Variants in MLLT1 observed in about 807,000 individuals in gnomAD.
MLLT1 encodes MLLT1 super elongation complex subunit.
In MLLT1, 11 loss-of-function variants were observed where a neutral mutation model predicts 55.1. The observed-to-expected ratio is 0.20, with a 90% CI of 0.13 to 0.33. MLLT1 has a LOEUF of 0.33. Among genes scored for constraint, MLLT1 ranks in the 10% least tolerant of loss-of-function variants. MLLT1 has a pLI of 1.00. For missense variants in MLLT1, 536 were observed against 760.6 expected, an observed-to-expected ratio of 0.70 and a Z score of 3.47; for synonymous variants, 323 against 320.1, an observed-to-expected ratio of 1.01 and a Z score of -0.10.
At chr19:6,257,465 A>G (rs75780630) in intron 3 of MLLT1, among the ~76,000 whole-genome samples, 3,882 of 152,164 alleles carry the variant, frequency 0.026, 151 homozygotes, top group East Asian at 0.14. Context: ...ATATTTAAAA[A>G]ACTTCTATAA....
chr19:6,244,364 T>A lies in MLLT1; in HGVS notation c.277-13651A>T, dbSNP rs866344081. 7.9e-3 allele frequency among the ~76,000 whole-genome samples: 1,109 copies of A among 139,850 alleles called. 9 individuals carry two copies. The highest frequency in any genetic ancestry group is 0.027 in the African/African-American group (1,034 of 38,402). 91.7% of individuals were successfully genotyped at this position (139,850 alleles called of 152,430 possible). A position where few individuals can be genotyped will look rare whatever the true frequency, so the allele number is the denominator to read the frequency against. On this transcript the variant is annotated intron_variant, in intron 3 of 11. Coordinates refer to ENST00000252674, the MANE Select transcript of MLLT1 (RefSeq NM_005934.4). The stretch of plus-strand genomic sequence containing the variant: ...CCTCCTCCTCACTGTAAACGAACAT[T>A]AAAAAAAAAAAAACCCTCATTTGCG...
rs1417261629 is a variant in MLLT1, at chr19:6,211,295, T to C, written c.*1747A>G. 3 of 232,112 alleles carry C rather than the reference T, an allele frequency of 1.3e-5. No homozygotes were observed. The highest frequency in any genetic ancestry group is 2.6e-5 in the Non-Finnish European group (3 of 117,230). 14.4% of individuals were successfully genotyped at this position (232,112 alleles called of 1,614,324 possible). On this transcript the variant is annotated 3_prime_UTR_variant, in exon 12 of 12. Transcript: ENST00000252674. The surrounding 1 kb of genome is among the most constrained non-coding windows in gnomAD (Gnocchi z 4.6). ...GCACAGGGGCCTGCCCTCTTCCTGA[T>C]ACCTGAAGGCAGTGGGGCCGGGAGA...
intron 3 of MLLT1, among the ~76,000 whole-genome samples, chr19:6,244,041 C>A (rs1215152141): frequency 7.7e-6 from 1 of 130,204 alleles, no homozygotes; most frequent in African/African-American, 3.1e-5. Flanking sequence ...AAGACTCCAC[C>A]TCAAAAAAAA....
At position 6,231,156 on chromosome 19, in the gene MLLT1, A is replaced by G. The variant is rs72978045; in HGVS notation, c.277-443T>C. On this transcript the variant is annotated intron_variant, in intron 3 of 11. Coordinates refer to ENST00000252674, the MANE Select transcript of MLLT1 (RefSeq NM_005934.4). This position sits in a 1 kb window ranked among gnomAD's most constrained non-coding sequence, Gnocchi z 5.1. ...GCCAAGCCCGACAGACGCAGGACACAGGACACAGACTCAAACGACAGCACA... is the reference window on the plus strand; with the variant it reads ...GCCAAGCCCGACAGACGCAGGACACGGGACACAGACTCAAACGACAGCACA... Among the ~76,000 whole-genome samples the G allele has an allele frequency of 0.044, 6,761 of 152,278 alleles. 208 individuals are homozygous for G. Among genetic ancestry groups the G allele is most frequent in the Non-Finnish European group, 0.07 (4,773 of 68,010 alleles).
intron 3 of MLLT1, among the ~76,000 whole-genome samples, chr19:6,248,593 CA>C (rs1349508280): frequency 6.6e-6 from 1 of 152,154 alleles, no homozygotes; most frequent in Non-Finnish European, 1.5e-5. Context: ...GAGAAAACGG[CA>C]AGTAGAGGGA....
intron 3 of MLLT1, among the ~76,000 whole-genome samples, chr19:6,236,148 G>A (rs2091058757): frequency 6.6e-6 from 1 of 152,174 alleles, no homozygotes; most frequent in African/African-American, 2.4e-5. Context: ...GATCACAAGA[G>A]AGAAGAGGTC....
At chr19:6,259,121 G>T (rs977962275) in intron 3 of MLLT1, 1 of 152,116 alleles carries the variant, frequency 6.6e-6, no homozygotes, top group African/African-American at 2.4e-5. Flanking sequence ...TCCAAACTGC[G>T]GTCTCCGCAG....
chr19:6,265,894 G>A (rs371841766), intron 2 of MLLT1, among the ~76,000 whole-genome samples: 1 of 151,644 alleles, frequency 6.6e-6, no homozygotes, highest in Non-Finnish European at 1.5e-5. Flanking sequence ...CAGGAGAATC[G>A]CTTGAACCCG....
intron 10 of MLLT1, 111 bp from the exon 11 acceptor site, chr19:6,213,519 C>T: frequency 9.1e-7 from 1 of 1,098,568 alleles, no homozygotes; most frequent in Non-Finnish European, 1.4e-6. Context: ...CAGAGGTAGC[C>T]ACATCCAAAC....
chr19:6,247,002 T>C (rs2091174240), intron 3 of MLLT1, among the ~76,000 whole-genome samples: 1 of 152,154 alleles, frequency 6.6e-6, no homozygotes, highest in African/African-American at 2.4e-5. Context: ...TATCCTGGAA[T>C]TAAACGGGTA....
chr19:6,227,663 C>T lies in MLLT1; in HGVS notation c.421-561G>A, dbSNP rs886589559. On this transcript the variant is annotated intron_variant, in intron 4 of 11. Transcript: ENST00000252674. This position sits in a 1 kb window ranked among gnomAD's most constrained non-coding sequence, Gnocchi z 5.1. ...CCGAGACCAAGGCAGACGACCTGTG[C>T]CTACTGGGGGGGTCTCTCTGCAAAG... is the stretch of plus-strand genomic sequence containing the variant. 1.3e-5 allele frequency among the ~76,000 whole-genome samples: 2 copies of T among 152,180 alleles called. No individual in the cohort carries two copies. The highest frequency in any genetic ancestry group is 2.4e-5 in the African/African-American group (1 of 41,440).
At chr19:6,245,647 T>A (rs1425148612) in intron 3 of MLLT1, among the ~76,000 whole-genome samples, 1 of 143,452 alleles carries the variant, frequency 7.0e-6, no homozygotes, top group Non-Finnish European at 1.5e-5. Context: ...GGAGGCAGAG[T>A]TTGCAGTGAG....
intron 3 of MLLT1, among the ~76,000 whole-genome samples, chr19:6,249,652 A>T (rs1309992458): frequency 6.6e-6 from 1 of 152,194 alleles, no homozygotes; most frequent in Non-Finnish European, 1.5e-5. Flanking sequence ...CAGCTCAGGG[A>T]AGTTCCCATC....
Position 6,267,452 on chromosome 19 carries a change from G to A in MLLT1, c.193+3127C>T, listed in dbSNP as rs1049184088. ...ATAAATGAAATGACTGAGAGAATGG[G>A]GGGAAAATGAAGGTATGCTAAAGAC... On this transcript the variant is annotated intron_variant, in intron 2 of 11. Coordinates refer to ENST00000252674, the MANE Select transcript of MLLT1 (RefSeq NM_005934.4). Among the ~76,000 whole-genome samples the A allele has an allele frequency of 3.9e-5, 6 of 152,066 alleles. No individual in the cohort carries two copies. The South Asian group carries it at 8.3e-4, about 21-fold the overall frequency.
intron 2 of MLLT1, among the ~76,000 whole-genome samples, chr19:6,266,514 T>C (rs559637293): frequency 1.0e-3 from 152 of 152,264 alleles, no homozygotes; most frequent in African/African-American, 3.5e-3. Context: ...TGGAGTGCAG[T>C]GGTACGACCT....
chr19:6,233,382 C>T (rs1488898865), intron 3 of MLLT1, among the ~76,000 whole-genome samples: 3 of 152,230 alleles, frequency 2.0e-5, no homozygotes, highest in Non-Finnish European at 2.9e-5. Flanking sequence ...CCAAGGCCAG[C>T]GGGTGTGGCC....
intron 8 of MLLT1, among the ~76,000 whole-genome samples, chr19:6,215,905 G>A (rs952923007): frequency 1.2e-4 from 19 of 152,122 alleles, no homozygotes; most frequent in Non-Finnish European, 4.4e-5. Context: ...GATGTGCCTC[G>A]GCACCCCTGT....
intron 8 of MLLT1, among the ~76,000 whole-genome samples, chr19:6,215,717 C>T (rs551558664): frequency 9.7e-4 from 147 of 152,262 alleles, no homozygotes; most frequent in Non-Finnish European, 1.3e-3. Context: ...CTCAGCCTCA[C>T]GGGAGGAGGG....
intron 3 of MLLT1, among the ~76,000 whole-genome samples, chr19:6,250,424 G>T (rs968255244): frequency 1.3e-5 from 2 of 152,174 alleles, no homozygotes; most frequent in African/African-American, 4.8e-5. Flanking sequence ...AAGGTATACA[G>T]TCATCCCTCA....
Sources: gnomAD v4.1 joint callset for allele counts (sites outside exome capture counted in the v4.1 genomes callset) on GRCh38, gnomAD v4.1.1 for gene constraint, Gnocchi (gnomAD v3.1) non-coding constraint, MANE v1.5 for transcripts, NCBI Gene and HGNC (gene_info 2026-07-23, HGNC 2026-07-21) for gene names.